Variants in DLGAP2 observed in about 807,000 individuals in gnomAD.
The protein encoded by DLGAP2 is DLG associated protein 2.
A neutral mutation model predicts 100.3 loss-of-function variants in DLGAP2; 26 were observed. The observed-to-expected ratio is 0.26, with a 90% CI of 0.19 to 0.36. DLGAP2 has a LOEUF of 0.36. DLGAP2 is among the 10% of genes least tolerant of loss of function. The probability of loss-of-function intolerance (pLI) is 1.00; values close to 1 mark genes in which losing one functional copy is unlikely to be tolerated. For synonymous variants in DLGAP2, 886 were observed against 630.1 expected (o/e 1.41, Z -6.08); for missense variants, 1,858 against 1,453.2 (o/e 1.28, Z -4.53).
rs953412358 is a variant in DLGAP2, at chr8:1,328,317, ATATTAT to A, written c.106+69445_106+69450del. On this transcript the variant is annotated intron_variant, in intron 3 of 14. Coordinates refer to ENST00000637795, the MANE Select transcript of DLGAP2 (RefSeq NM_001346810.2). ...AGCCTCCCAAAGTGCTGTACAGTTA[ATATTAT>A]TATTATTATTTTTGAGATGGAGTCT... is the stretch of plus-strand genomic sequence containing the variant. Among the ~76,000 whole-genome samples, 10 of 145,356 alleles carry A rather than the reference ATATTAT, an allele frequency of 6.9e-5. No individual in the cohort carries two copies. In the South Asian group the frequency reaches 2.0e-3, roughly 29 times the overall value.
intron 2 of DLGAP2, among the ~76,000 whole-genome samples, chr8:933,308 G>T (rs943440286): frequency 6.6e-6 from 1 of 152,174 alleles, no homozygotes; most frequent in Non-Finnish European, 1.5e-5. Flanking sequence ...ATGGTCCCGG[G>T]GGTGAGGGCA....
intron 6 of DLGAP2, among the ~76,000 whole-genome samples, chr8:1,569,983 G>A (rs1802589941): frequency 6.6e-6 from 1 of 152,206 alleles, no homozygotes. Flanking sequence ...GGAGGCCAGG[G>A]TAGATACTGT....
At chr8:1,065,526 G>A (rs868739752) in intron 2 of DLGAP2, among the ~76,000 whole-genome samples, 1 of 152,194 alleles carries the variant, frequency 6.6e-6, no homozygotes, top group Non-Finnish European at 1.5e-5. Context: ...TGGTTGGGGA[G>A]TACAACATCC....
chr8:1,251,728 C>T (rs11984825), intron 2 of DLGAP2, among the ~76,000 whole-genome samples: 14,926 of 152,288 alleles, frequency 0.098, 1,827 homozygotes, highest in African/African-American at 0.29. Flanking sequence ...CATGTGGCCA[C>T]GTTGTCATAT....
At chr8:1,060,030 A>ATTCC (rs1803028983) in intron 2 of DLGAP2, among the ~76,000 whole-genome samples, 1 of 152,088 alleles carries the variant, frequency 6.6e-6, no homozygotes, top group Admixed American at 6.5e-5. Flanking sequence ...TGGCTGGGTG[A>ATTCC]ACTGGAAGTG....
chr8:996,233 T>G (rs958985139), intron 2 of DLGAP2, among the ~76,000 whole-genome samples: 1 of 152,148 alleles, frequency 6.6e-6, no homozygotes, highest in Non-Finnish European at 1.5e-5. Flanking sequence ...GTAACTTTTC[T>G]TTGATTGTGA....
intron 3 of DLGAP2, among the ~76,000 whole-genome samples, chr8:1,440,631 TA>T (rs1485934929): frequency 6.6e-6 from 1 of 152,172 alleles, no homozygotes; most frequent in African/African-American, 2.4e-5. Context: ...CTCTCCTGAA[TA>T]AAAATCCTGC....
At chr8:981,184 G>T (rs1383284622) in intron 2 of DLGAP2, among the ~76,000 whole-genome samples, 1 of 152,038 alleles carries the variant, frequency 6.6e-6, no homozygotes, top group African/African-American at 2.4e-5. Context: ...TTGTCCTTTG[G>T]TGCCTGGCTT....
rs984075468 is a variant in DLGAP2 at position 1,506,620 on chromosome 8, C to G, written c.172+5189C>G. 3.9e-5 allele frequency among the ~76,000 whole-genome samples: 6 copies of G among 152,058 alleles called. No individual in the cohort carries two copies. The East Asian group carries it at 5.8e-4, about 15-fold the overall frequency. ...GACGATCTCAGCAGGTTGCCAGTGC[C>G]GGCTCAGGCAGACTGCTTTTATTCC... is the stretch of plus-strand genomic sequence containing the variant. On this transcript the variant is annotated intron_variant, in intron 4 of 14. Transcript: ENST00000637795.
intron 1 of DLGAP2, among the ~76,000 whole-genome samples, chr8:772,808 A>G (rs1821401104): frequency 6.6e-6 from 1 of 152,142 alleles, no homozygotes; most frequent in Admixed American, 6.6e-5. Flanking sequence ...GCATGGAATT[A>G]AGTGCTCTGC....
chr8:1,234,964 G>C (rs931202261), intron 2 of DLGAP2, among the ~76,000 whole-genome samples: 1 of 151,932 alleles, frequency 6.6e-6, no homozygotes, highest in Admixed American at 6.6e-5. Context: ...ACATGCCACT[G>C]TGTCTAGTTC....
intron 1 of DLGAP2, among the ~76,000 whole-genome samples, chr8:906,069 C>T (rs1436373303): frequency 1.3e-5 from 2 of 152,232 alleles, no homozygotes; most frequent in East Asian, 3.9e-4. Context: ...GGGGCAGGGC[C>T]CCAAGTTCCA....
intron 2 of DLGAP2, among the ~76,000 whole-genome samples, chr8:1,064,822 G>A (rs1018935527): frequency 5.3e-5 from 8 of 152,158 alleles, no homozygotes; most frequent in East Asian, 1.9e-4. Flanking sequence ...GAAGACAAGC[G>A]TGGTCCGTTT....
chr8:1,648,543 G>A (rs1798093748), intron 8 of DLGAP2, among the ~76,000 whole-genome samples: 1 of 152,132 alleles, frequency 6.6e-6, no homozygotes, highest in Non-Finnish European at 1.5e-5. Context: ...CCTGGTCATA[G>A]GCCATTGGTC....
At chr8:1,315,940 C>T (rs1364006402) in intron 3 of DLGAP2, among the ~76,000 whole-genome samples, 13 of 135,744 alleles carry the variant, frequency 9.6e-5, no homozygotes, top group Admixed American at 8.6e-4. Flanking sequence ...CAGCCTCTCT[C>T]CAACAGTGGT....
chr8:1,319,067 A>G (rs1236395452), intron 3 of DLGAP2, among the ~76,000 whole-genome samples: 1 of 152,104 alleles, frequency 6.6e-6, no homozygotes. Flanking sequence ...TCGTTGAAGC[A>G]GAATGGAGAC....
At chr8:1,210,056 C>A (rs1798071831) in intron 2 of DLGAP2, among the ~76,000 whole-genome samples, 2 of 152,226 alleles carry the variant, frequency 1.3e-5, no homozygotes, top group African/African-American at 4.8e-5. Flanking sequence ...TGTCTTACAA[C>A]CCCTGAGCCT....
intron 13 of DLGAP2, among the ~76,000 whole-genome samples, chr8:1,692,624 T>G (rs6558511): frequency 0.58 from 88,047 of 151,852 alleles, 25,778 homozygotes; most frequent in East Asian, 0.7. Flanking sequence ...TTCTATTACG[T>G]CTAATGTCAC....
At chr8:1,201,911 C>T (rs1022845050) in intron 2 of DLGAP2, among the ~76,000 whole-genome samples, 5 of 151,770 alleles carry the variant, frequency 3.3e-5, no homozygotes, top group African/African-American at 1.2e-4. Context: ...CATGTGTGCA[C>T]ATGTGTGGTA....
Sources: gnomAD v4.1 joint callset for allele counts (sites outside exome capture counted in the v4.1 genomes callset) on GRCh38, gnomAD v4.1.1 for gene constraint, MANE v1.5 for transcripts, NCBI Gene and HGNC (gene_info 2026-07-23, HGNC 2026-07-21) for gene names.